GSAP: variants seen among roughly 807,000 people sequenced by gnomAD.
GSAP encodes gamma-secretase-activating protein.
Under a neutral mutation model 131.7 loss-of-function variants are expected in GSAP, and 118 were observed. The ratio of observed to expected loss-of-function variants is 0.90; its 90% CI spans 0.77 to 1.04. GSAP has a LOEUF of 1.04. GSAP is among the 50% of genes least tolerant of loss of function. The pLI, the probability that GSAP is intolerant of heterozygous loss-of-function variation, is 0.00. For synonymous variants in GSAP, 381 were observed against 363.4 expected (o/e 1.05, Z -0.55); for missense variants, 1,019 against 1,013.2 (o/e 1.01, Z -0.08).
At chr7:77,332,955 T>C (rs1216527536) in intron 19 of GSAP, among the ~76,000 whole-genome samples, 1 of 152,050 alleles carries the variant, frequency 6.6e-6, no homozygotes, top group Admixed American at 6.6e-5. Flanking sequence ...GATCACAAGG[T>C]CAAGAGATCA....
rs1787745664 is a variant in GSAP, at chr7:77,322,221, T to C, written c.1924-818A>G. Among the ~76,000 whole-genome samples the C allele has an allele frequency of 2.0e-5, 3 of 152,218 alleles. No individual in the cohort carries two copies. In the South Asian group the frequency reaches 6.2e-4, roughly 32 times the overall value. On this transcript the variant is annotated intron_variant, in intron 24 of 30. Coordinates refer to ENST00000257626, the MANE Select transcript of GSAP (RefSeq NM_017439.4). ...TAAGTAAGTTAACATGTAACCAATA[T>C]AATCAGGTTCTGCAGCAACTTCCTT...
chr7:77,311,781 G>A (rs1794388846), intron 30 of GSAP, 60 bp downstream of exon 30: 2 of 825,978 alleles, frequency 2.4e-6, no homozygotes, highest in Non-Finnish European at 4.3e-6. Context: ...AAGTGAATAG[G>A]GAAGGACTGA....
Position 77,340,722 on chromosome 7 carries a change from C to G in GSAP, c.1545+8629G>C, listed in dbSNP as rs992473566. 2.0e-5 allele frequency among the ~76,000 whole-genome samples: 3 copies of G among 152,196 alleles called. No individual in the cohort carries two copies. The East Asian group carries it at 5.8e-4, about 29-fold the overall frequency. ...GCGGGGACGCCTGCCTGATTATTCACCCACACTCCATTGGTGTCTGATCAC... is the reference window on the plus strand; with the variant it reads ...GCGGGGACGCCTGCCTGATTATTCAGCCACACTCCATTGGTGTCTGATCAC... On this transcript the variant is annotated intron_variant, in intron 19 of 30. Transcript: ENST00000257626.
At chr7:77,393,445 A>G (rs997768901) in intron 5 of GSAP, among the ~76,000 whole-genome samples, 1 of 151,892 alleles carries the variant, frequency 6.6e-6, no homozygotes, top group African/African-American at 2.4e-5. Context: ...ACTCATCTCC[A>G]AACTCCACCT....
chr7:77,411,259 G>A (rs1467060406), intron 1 of GSAP, among the ~76,000 whole-genome samples: 1 of 152,126 alleles, frequency 6.6e-6, no homozygotes, highest in African/African-American at 2.4e-5. Flanking sequence ...TACAATATTT[G>A]AAAGACAAGT....
intron 12 of GSAP, among the ~76,000 whole-genome samples, chr7:77,363,891 C>T (rs1294083376): frequency 3.3e-5 from 5 of 152,060 alleles, no homozygotes; most frequent in African/African-American, 1.2e-4. Flanking sequence ...TAAAAGTAAT[C>T]TATCACTAAA....
At chr7:77,353,957 G>A (rs1201303498) in intron 16 of GSAP, among the ~76,000 whole-genome samples, 1 of 152,136 alleles carries the variant, frequency 6.6e-6, no homozygotes, top group Non-Finnish European at 1.5e-5. Flanking sequence ...AAAGAGCCGT[G>A]GGATACAGGA....
chr7:77,416,589 G>A (rs1243832488), upstream of GSAP: 2 of 324,598 alleles, frequency 6.2e-6, no homozygotes, highest in Non-Finnish European at 1.1e-5. Context: ...CAGGCCCGCC[G>A]GGGCGGGAGG....
chr7:77,313,436 A>G (rs187577933), intron 28 of GSAP, 52 bp downstream of exon 28: 1 of 883,786 alleles, frequency 1.1e-6, no homozygotes, highest in East Asian at 2.5e-5. Context: ...AAGAAATTGA[A>G]GGAGGGTAAT....
intron 13 of GSAP, among the ~76,000 whole-genome samples, chr7:77,361,618 G>A (rs368074277): frequency 3.0e-4 from 45 of 152,054 alleles, no homozygotes; most frequent in African/African-American, 1.0e-3. Context: ...GGTGTGGCTT[G>A]GCATAATTGT....
At chr7:77,377,541 TAC>T (rs1340409108) in intron 8 of GSAP, 151 bp from the exon 9 acceptor site, 9 of 913,886 alleles carry the variant, frequency 9.8e-6, no homozygotes, top group African/African-American at 8.4e-5. Flanking sequence ...ACCCCTAGTA[TAC>T]ACAGTCTTTC....
chr7:77,320,414 G>A (rs893782413), intron 26 of GSAP, among the ~76,000 whole-genome samples: 2 of 152,144 alleles, frequency 1.3e-5, no homozygotes, highest in African/African-American at 4.8e-5. Flanking sequence ...ATCTCAATCA[G>A]ATAAACTAGG....
intron 28 of GSAP, among the ~76,000 whole-genome samples, chr7:77,312,463 C>G (rs1243053693): frequency 6.6e-6 from 1 of 152,146 alleles, no homozygotes; most frequent in Non-Finnish European, 1.5e-5. Context: ...TGGAGTTTAT[C>G]TGCTGCTCTT....
rs777052083 is a variant in GSAP, at chr7:77,312,231, G to A, written c.2272-29C>T. 194 of 1,028,650 alleles carry A rather than the reference G, an allele frequency of 1.9e-4. No individual in the cohort carries two copies. The Middle Eastern group carries it at 2.3e-3, about 12-fold the overall frequency. 63.7% of individuals were successfully genotyped at this position (1,028,650 alleles called of 1,614,324 possible). On this transcript the variant is annotated intron_variant, in intron 28 of 30. Transcript: ENST00000257626. ...TTATGCAAATTGAAAAAAATGTAGC[G>A]AATACCACACACTATATTAAGTAAA...
chr7:77,392,221 C>T (rs1049676182), intron 5 of GSAP, among the ~76,000 whole-genome samples: 1 of 137,024 alleles, frequency 7.3e-6, no homozygotes, highest in African/African-American at 2.9e-5. Flanking sequence ...GACTCCATCT[C>T]AGGAAAAAAA....
At chr7:77,402,684 T>TAA (rs60282862) in intron 3 of GSAP, among the ~76,000 whole-genome samples, 16,035 of 111,676 alleles carry the variant, frequency 0.14, 1,425 homozygotes, top group East Asian at 0.43. Flanking sequence ...AAAAGGTCCG[T>TAA]AAAAAAAAAA....
intron 12 of GSAP, among the ~76,000 whole-genome samples, chr7:77,370,373 A>G (rs1462511724): frequency 2.0e-5 from 3 of 152,176 alleles, no homozygotes; most frequent in African/African-American, 7.2e-5. Context: ...AGGCAAGAGA[A>G]TCTCTTGAAC....
At chr7:77,335,270 G>A (rs1334468171) in intron 19 of GSAP, among the ~76,000 whole-genome samples, 3 of 152,032 alleles carry the variant, frequency 2.0e-5, no homozygotes, top group Admixed American at 1.3e-4. Flanking sequence ...GCATGGTGGT[G>A]TGTGCCTGTA....
At chr7:77,339,420 C>T (rs1022118997) in intron 19 of GSAP, among the ~76,000 whole-genome samples, 7 of 152,142 alleles carry the variant, frequency 4.6e-5, no homozygotes, top group African/African-American at 1.7e-4. Context: ...CTCCTGAGTC[C>T]AGGGCTAGTC....
Sources: allele counts gnomAD v4.1 joint callset (sites outside exome capture counted in the v4.1 genomes callset), GRCh38; gene constraint gnomAD v4.1.1; transcripts MANE v1.5; gene names NCBI Gene and HGNC (gene_info 2026-07-23, HGNC 2026-07-21).